MTF1: variants seen among roughly 807,000 people sequenced by gnomAD.
MTF1 encodes the protein metal regulatory transcription factor 1.
Under a neutral mutation model 70.4 loss-of-function variants are expected in MTF1, and 22 were observed. The observed-to-expected ratio is 0.31, with a 90% confidence interval of 0.22 to 0.45. The LOEUF is 0.45. MTF1 is among the 20% of genes least tolerant of loss of function. The probability of loss-of-function intolerance (pLI) is 1.00; values close to 1 mark genes in which losing one functional copy is unlikely to be tolerated. For synonymous variants in MTF1, 333 were observed against 352.8 expected, an observed-to-expected ratio of 0.94 and a Z score of 0.63; for missense variants, 649 against 922.0, an observed-to-expected ratio of 0.70 and a Z score of 3.83.
Position 37,840,537 on chromosome 1 carries a change from C to T in MTF1, c.409-379G>A. 1 of 459,042 alleles carries T rather than the reference C, an allele frequency of 2.2e-6. No homozygotes were observed. The highest frequency in any genetic ancestry group is 4.3e-6 in the Non-Finnish European group (1 of 230,418). The allele number at this position is 459,042 out of a possible 1,614,324, so 28.4% of individuals were successfully genotyped here. A position where few individuals can be genotyped will look rare whatever the true frequency, so the allele number is the denominator to read the frequency against. Reference sequence around the variant, plus strand: ...AACACCCTGACCTCCAGAACTACAACTTGATTGGAATTACCAATATTAAAT... The same window carrying T: ...AACACCCTGACCTCCAGAACTACAATTTGATTGGAATTACCAATATTAAAT... On this transcript the variant is annotated intron_variant, in intron 2 of 10. Transcript: ENST00000373036. This position sits in a 1 kb window ranked among gnomAD's most constrained non-coding sequence, Gnocchi z 4.5.
At chr1:37,842,431 C>T (rs147664520) in intron 2 of MTF1, among the ~76,000 whole-genome samples, 179 of 152,338 alleles carry the variant, frequency 1.2e-3, no homozygotes, top group Admixed American at 1.8e-3. Flanking sequence ...CTTAACTTCC[C>T]GGTAGTCAGA....
Position 37,857,722 on chromosome 1 carries a change from A to G in MTF1, c.-51-13T>C. ...CGTAATGACTTGTCTGCAACAGAAC[A>G]AAGCCAGAGTTAGAGTCATACCACA... is the stretch of plus-strand genomic sequence containing the variant. On this transcript the variant is annotated splice_polypyrimidine_tract_variant and intron_variant, in intron 1 of 10. Coordinates refer to ENST00000373036, the MANE Select transcript of MTF1 (RefSeq NM_005955.3). 1.3e-6 allele frequency: 2 copies of G among 1,539,766 alleles called. No homozygotes were observed. Among genetic ancestry groups the G allele is most frequent in the Admixed American group, 1.8e-5 (1 of 57,066 alleles).
At position 37,835,166 on chromosome 1, in the gene MTF1, G is replaced by A. The variant is rs1641147925; in HGVS notation, c.903C>T (p.Ser301=). ...TGTGACTTTTGAGACTGTATTGAGT[G>A]CTGAATGTTTTCTCACAGCCATTAC... ...CPSNGCEKTF[S]TQYSLKSHMK... is the part of the protein sequence containing the mutation. Residue 301 remains serine (S), a synonymous_variant, in exon 6 of 11, where the codon AGC becomes AGT. Coordinates refer to ENST00000373036, the MANE Select transcript of MTF1 (RefSeq NM_005955.3). The A allele has an allele frequency of 6.2e-7, 1 of 1,613,300 alleles. No individual in the cohort carries two copies. Among genetic ancestry groups the A allele is most frequent in the Non-Finnish European group, 8.5e-7 (1 of 1,179,358 alleles).
At chr1:37,858,436 C>T (rs902770390) in intron 1 of MTF1, 1 of 152,192 alleles carries the variant, frequency 6.6e-6, no homozygotes, top group Non-Finnish European at 1.5e-5. Context: ...ATATGTAAAG[C>T]ACAATGTTTG....
intron 7 of MTF1, chr1:37,826,558 C>A (rs1018098575): frequency 2.6e-5 from 12 of 455,202 alleles, no homozygotes; most frequent in Non-Finnish European, 5.3e-5. Context: ...CAAGTATGAG[C>A]CACCACCACC....
chr1:37,827,190 C>T (rs546805259), intron 7 of MTF1, among the ~76,000 whole-genome samples: 3 of 152,184 alleles, frequency 2.0e-5, no homozygotes, highest in Non-Finnish European at 4.4e-5. Flanking sequence ...GCAATGTCCT[C>T]TGATTTTTTT....
Position 37,813,277 on chromosome 1 carries a change from C to CA in MTF1, c.*1858dup, listed in dbSNP as rs56962456. 5.1e-4 allele frequency: 73 copies of CA among 143,814 alleles called. 2 individuals are homozygous for CA. The highest frequency in any genetic ancestry group is 3.5e-3 in the Middle Eastern group (1 of 284). 8.9% of individuals were successfully genotyped at this position (143,814 alleles called of 1,614,324 possible). ...GGGCAACAAAAGCAAAACTCTGTCT[C>CA]AAAAAAAAAAAGAAGTCAATTATTC... On this transcript the variant is annotated 3_prime_UTR_variant, in exon 11 of 11. Transcript: ENST00000373036.
Position 37,815,514 on chromosome 1 carries a change from T to C in MTF1, c.1884A>G (p.Gln628=), listed in dbSNP as rs1280156186. Reference sequence around the variant, plus strand: ...CACACTGACACTGACATGCCTCTTCTTGTTTGATGATGATCACAGGAACAC... The same window carrying C: ...CACACTGACACTGACATGCCTCTTCCTGTTTGATGATGATCACAGGAACAC... ...GLSVPVIIIK[Q]EEACQCQCAC... is the part of the protein sequence containing the mutation. Residue 628 remains glutamine (Q), a synonymous_variant, in exon 11 of 11, where the codon CAA becomes CAG. Transcript: ENST00000373036. This position sits in a 1 kb window ranked among gnomAD's most constrained non-coding sequence, Gnocchi z 4.5. The C allele has an allele frequency of 3.9e-6, 6 of 1,550,108 alleles. No homozygotes were observed. The highest frequency in any genetic ancestry group is 2.0e-5 in the Admixed American group (1 of 50,916).
intron 6 of MTF1, chr1:37,834,811 TAG>T: frequency 1.7e-6 from 1 of 574,012 alleles, no homozygotes; most frequent in Non-Finnish European, 3.2e-6. Flanking sequence ...CCTTTGCCAC[TAG>T]AAAACCAGAG....
chr1:37,830,522 TA>T (rs1224834976), intron 7 of MTF1, among the ~76,000 whole-genome samples: 2 of 152,188 alleles, frequency 1.3e-5, no homozygotes, highest in African/African-American at 2.4e-5. Context: ...AAAATAAAAA[TA>T]AAAAAAATCC....
rs1357988598 is a variant in MTF1, at chr1:37,810,070, T to G, written c.*5066A>C. On this transcript the variant is annotated 3_prime_UTR_variant, in exon 11 of 11. Coordinates refer to ENST00000373036, the MANE Select transcript of MTF1 (RefSeq NM_005955.3). ...GGAAAAGGGAACAGACACCTTGAAC[T>G]CTGACCCCCACCCCCACATTCTCCA... The G allele has an allele frequency of 6.6e-6, 1 of 152,200 alleles. No homozygotes were observed. Among genetic ancestry groups the G allele is most frequent in the Non-Finnish European group, 1.5e-5 (1 of 68,060 alleles). The allele number at this position is 152,200 out of a possible 1,614,324, so 9.4% of individuals were successfully genotyped here.
chr1:37,828,009 T>C (rs948093626), intron 7 of MTF1, among the ~76,000 whole-genome samples: 9 of 152,170 alleles, frequency 5.9e-5, no homozygotes, highest in African/African-American at 2.2e-4. Flanking sequence ...TATTGGTATA[T>C]TCATTTAGTG....
intron 6 of MTF1, among the ~76,000 whole-genome samples, chr1:37,833,625 G>C (rs970572376): frequency 6.6e-6 from 1 of 152,092 alleles, no homozygotes; most frequent in East Asian, 1.9e-4. Context: ...TCCCCACGTA[G>C]AGCTTACGTT....
Position 37,823,759 on chromosome 1 carries a change from C to G in MTF1, c.1122G>C (p.Met374Ile). 1 of 1,614,090 alleles carries G rather than the reference C, an allele frequency of 6.2e-7. No individual in the cohort carries two copies. The highest frequency in any genetic ancestry group is 8.5e-7 in the Non-Finnish European group (1 of 1,179,984). Residue 374 changes from methionine to isoleucine, a missense_variant, in exon 8 of 11, where the codon ATG becomes ATC. Met to Ile is a conservative substitution (Grantham distance 10, BLOSUM62 1). This residue lies in a region of MTF1 where 267 missense variants were observed against 292.1 expected (regional missense o/e 0.91). Coordinates refer to ENST00000373036, the MANE Select transcript of MTF1 (RefSeq NM_005955.3). ...TTGCCGTATCATCTGAATTCTGGAA[C>G]ATTGATTCAAAGATGATTGCTGGTG... ...TISPAIIFES[M>I]FQNSDDTAIQ...
intron 9 of MTF1, 25 bp downstream of exon 9, chr1:37,822,096 G>A: frequency 6.5e-7 from 1 of 1,529,822 alleles, no homozygotes; most frequent in Non-Finnish European, 8.9e-7. Context: ...TCACCCCACT[G>A]GGTATATTCA....
chr1:37,835,900 A>G (rs1223331164), intron 4 of MTF1, among the ~76,000 whole-genome samples, 156 bp from the exon 5 acceptor site: 1 of 151,752 alleles, frequency 6.6e-6, no homozygotes, highest in Admixed American at 6.6e-5. Context: ...TCCCGGGTTC[A>G]TGCCATTCTC....
At chr1:37,855,590 T>G (rs1557600459) in intron 2 of MTF1, among the ~76,000 whole-genome samples, 1 of 152,216 alleles carries the variant, frequency 6.6e-6, no homozygotes, top group Non-Finnish European at 1.5e-5. Flanking sequence ...TTCACCCTAT[T>G]TCTGTTTGGT....
intron 6 of MTF1, among the ~76,000 whole-genome samples, chr1:37,833,533 T>C (rs1641119541): frequency 1.3e-5 from 2 of 152,116 alleles, no homozygotes; most frequent in African/African-American, 2.4e-5. Context: ...ATGCACACAC[T>C]CAACAAACAT....
At chr1:37,817,235 G>A (rs368021191) in intron 10 of MTF1, among the ~76,000 whole-genome samples, 184 bp downstream of exon 10, 1 of 152,146 alleles carries the variant, frequency 6.6e-6, no homozygotes, top group Non-Finnish European at 1.5e-5. Flanking sequence ...TTGGCCAGAC[G>A]TATACTAACT....
Sources: allele counts gnomAD v4.1 joint callset (sites outside exome capture counted in the v4.1 genomes callset), GRCh38; gene constraint gnomAD v4.1.1; regional missense constraint gnomAD v4.1.1; non-coding constraint Gnocchi (gnomAD v3.1); transcripts MANE v1.5; gene names NCBI Gene and HGNC (gene_info 2026-07-23, HGNC 2026-07-21).